Variants in SP2 observed in about 807,000 individuals in gnomAD.
SP2 encodes Sp2 transcription factor, also known as transcription factor Sp2.
A neutral mutation model predicts 50.1 loss-of-function variants in SP2; 9 were observed. The observed-to-expected ratio is 0.18, with a 90% CI of 0.11 to 0.31. The LOEUF (loss-of-function observed/expected upper bound fraction) is 0.31, where lower values mean the gene tolerates loss of function less well. Ranked by LOEUF, SP2 falls within the 10% of genes least tolerant of loss-of-function variation. SP2 has a pLI of 1.00. For synonymous variants in SP2, 313 were observed against 326.6 expected (o/e 0.96, Z 0.45); for missense variants, 581 against 806.5 (o/e 0.72, Z 3.39).
intron 1 of SP2, chr17:47,900,336 A>C (rs976362723): frequency 2.0e-5 from 3 of 152,252 alleles, no homozygotes; most frequent in Admixed American, 2.0e-4. Context: ...GAAGTGGAAT[A>C]TCTCTGCTCT....
At chr17:47,924,752 T>C (rs1321804348) in intron 4 of SP2, among the ~76,000 whole-genome samples, 167 bp from the exon 5 acceptor site, 1 of 152,170 alleles carries the variant, frequency 6.6e-6, no homozygotes, top group African/African-American at 2.4e-5. Context: ...GTCATGGAGA[T>C]TAAATGAGTC....
intron 1 of SP2, among the ~76,000 whole-genome samples, chr17:47,900,670 C>T (rs2034503987): frequency 1.3e-5 from 2 of 152,250 alleles, no homozygotes; most frequent in South Asian, 4.1e-4. Context: ...CCAGCTACTG[C>T]AGAGGCTGAG....
chr17:47,917,376 GT>G (rs1048111204), intron 3 of SP2, among the ~76,000 whole-genome samples: 1 of 151,674 alleles, frequency 6.6e-6, no homozygotes, highest in Non-Finnish European at 1.5e-5. Flanking sequence ...CTTATAGGTT[GT>G]TTTTTTTCAG....
downstream of SP2, among the ~76,000 whole-genome samples, chr17:47,930,693 C>T (rs1347401501): frequency 6.6e-6 from 1 of 152,150 alleles, no homozygotes; most frequent in African/African-American, 2.4e-5. Flanking sequence ...CTAAGCTCAC[C>T]CTAGGCAAGA....
At chr17:47,904,532 G>A (rs2034680178) in intron 1 of SP2, among the ~76,000 whole-genome samples, 1 of 152,008 alleles carries the variant, frequency 6.6e-6, no homozygotes, top group African/African-American at 2.4e-5. Context: ...CATACCTAAG[G>A]GTCATTGCCT....
intron 3 of SP2, among the ~76,000 whole-genome samples, chr17:47,919,949 G>A (rs973706059): frequency 3.4e-5 from 5 of 147,260 alleles, no homozygotes; most frequent in Non-Finnish European, 7.4e-5. Context: ...CGATTCTCCT[G>A]TTTCAGCCTC....
chr17:47,918,062 A>G (rs1170320227), intron 3 of SP2, among the ~76,000 whole-genome samples: 1 of 151,856 alleles, frequency 6.6e-6, no homozygotes, highest in Non-Finnish European at 1.5e-5. Flanking sequence ...TCCATCTTCC[A>G]CCTTGACTCT....
chr17:47,928,065 C>T lies in SP2; in HGVS notation c.*241C>T. The T allele has an allele frequency of 2.0e-6, 1 of 494,760 alleles. No individual in the cohort carries two copies. Among genetic ancestry groups the T allele is most frequent in the East Asian group, 3.3e-5 (1 of 30,230 alleles). The allele number at this position is 494,760 out of a possible 1,614,324, so 30.6% of individuals were successfully genotyped here. A position where few individuals can be genotyped will look rare whatever the true frequency, so the allele number is the denominator to read the frequency against. ...GGCCTGCCCAGACTGTGGACACTGG[C>T]CGTGCCCAATGAGACGTTCTAAACC... is the stretch of plus-strand genomic sequence containing the variant. On this transcript the variant is annotated 3_prime_UTR_variant, in exon 7 of 7. Coordinates refer to ENST00000376741, the MANE Select transcript of SP2 (RefSeq NM_003110.6).
At chr17:47,923,305 G>C in intron 4 of SP2, 31 bp downstream of exon 4, 1 of 1,566,538 alleles carries the variant, frequency 6.4e-7, no homozygotes, top group Non-Finnish European at 8.6e-7. Flanking sequence ...CAGGGTGTTG[G>C]CAGTGGTACC....
At chr17:47,921,886 T>C (rs1023249528) in intron 3 of SP2, among the ~76,000 whole-genome samples, 3 of 152,208 alleles carry the variant, frequency 2.0e-5, no homozygotes, top group Non-Finnish European at 2.9e-5. Flanking sequence ...CTAGGAAGTA[T>C]ATATAAATAG....
At chr17:47,922,895 G>A in intron 3 of SP2, 67 bp from the exon 4 acceptor site, 1 of 1,429,566 alleles carries the variant, frequency 7.0e-7, no homozygotes, top group Non-Finnish European at 9.6e-7. Flanking sequence ...CTTGGGCAGG[G>A]ACATTTGAAG....
chr17:47,930,587 A>G (rs1388782208), downstream of SP2, among the ~76,000 whole-genome samples: 2 of 152,250 alleles, frequency 1.3e-5, no homozygotes, highest in Admixed American at 6.5e-5. Flanking sequence ...GCACAAGGAA[A>G]GCACAGAAAG....
chr17:47,909,789 C>A, intron 1 of SP2: 1 of 482,756 alleles, frequency 2.1e-6, no homozygotes, highest in African/African-American at 2.1e-5. Flanking sequence ...TGTCCTTGAA[C>A]TCTAATACTA....
chr17:47,913,025 A>C (rs2035052863), intron 1 of SP2, among the ~76,000 whole-genome samples: 1 of 150,018 alleles, frequency 6.7e-6, no homozygotes, highest in South Asian at 2.1e-4. Flanking sequence ...ACGCCCTGCT[A>C]ATTTTTTGTC....
chr17:47,916,032 C>T lies in SP2; in HGVS notation c.85-124C>T. On this transcript the variant is annotated intron_variant, in intron 2 of 6. Transcript: ENST00000376741. This position sits in a 1 kb window ranked among gnomAD's most constrained non-coding sequence, Gnocchi z 4.7. ...GCCAAGCAGGGGAGGGTACTGGCAACATGCCTGCCCCGGAGGTGGGGAAGA... is the reference window on the plus strand; with the variant it reads ...GCCAAGCAGGGGAGGGTACTGGCAATATGCCTGCCCCGGAGGTGGGGAAGA... 1.7e-6 allele frequency: 2 copies of T among 1,175,108 alleles called. No homozygotes were observed. The highest frequency in any genetic ancestry group is 1.5e-5 in the African/African-American group (1 of 65,282). 72.8% of individuals were successfully genotyped at this position (1,175,108 alleles called of 1,614,324 possible). A position where few individuals can be genotyped will look rare whatever the true frequency, so the allele number is the denominator to read the frequency against.
intron 3 of SP2, among the ~76,000 whole-genome samples, chr17:47,922,209 G>T (rs2144039662): frequency 6.6e-6 from 1 of 152,160 alleles, no homozygotes; most frequent in South Asian, 2.1e-4. Context: ...CTCCCATAGA[G>T]ACACCCTCCT....
rs374244316 is a variant in SP2, at chr17:47,916,631, C to G, written c.560C>G (p.Ser187Trp). Residue 187 changes from serine (S) to tryptophan (W), a missense_variant, in exon 3 of 7, where the codon TCG (serine) becomes TGG (tryptophan). Physicochemically the swap from Ser to Trp is radical, Grantham distance 177. This residue lies in a region of SP2 where 397 missense variants were observed against 491.0 expected (regional missense o/e 0.81). Transcript: ENST00000376741. The surrounding 1 kb of genome is among the most constrained non-coding windows in gnomAD (Gnocchi z 4.7). The part of the protein sequence containing the change: ...VPIKPAPIQK[S>W]STTTTPVQSG... Reference sequence around the variant, plus strand: ...ATCAAGCCAGCCCCCATCCAGAAGTCGAGTACGACCACCACCCCCGTGCAG... The same window carrying G: ...ATCAAGCCAGCCCCCATCCAGAAGTGGAGTACGACCACCACCCCCGTGCAG... 6.2e-7 allele frequency: 1 copy of G among 1,614,062 alleles called. No individual in the cohort carries two copies. Among genetic ancestry groups the G allele is most frequent in the Non-Finnish European group, 8.5e-7 (1 of 1,179,976 alleles).
At chr17:47,908,332 C>G (rs1443026893) in intron 1 of SP2, among the ~76,000 whole-genome samples, 3 of 152,124 alleles carry the variant, frequency 2.0e-5, no homozygotes, top group Non-Finnish European at 4.4e-5. Flanking sequence ...TGCGCGGATC[C>G]TATGTCTCTT....
intron 1 of SP2, chr17:47,909,768 GT>G (rs201125038): frequency 3.9e-6 from 3 of 774,552 alleles, no homozygotes; most frequent in East Asian, 1.3e-4. Context: ...GTACCTACCA[GT>G]TTTTTAAGAT....
Sources: gnomAD v4.1 joint callset for allele counts (sites outside exome capture counted in the v4.1 genomes callset) on GRCh38, gnomAD v4.1.1 for gene constraint, gnomAD v4.1.1 regional missense constraint, Gnocchi (gnomAD v3.1) non-coding constraint, MANE v1.5 for transcripts, NCBI Gene and HGNC (gene_info 2026-07-23, HGNC 2026-07-21) for gene names.